Variants in TMEM235 observed in about 807,000 individuals in gnomAD.
TMEM235 encodes transmembrane protein 235.
In TMEM235, 23 loss-of-function variants were observed where a neutral mutation model predicts 22.9. The ratio of observed to expected loss-of-function variants is 1.00; its 90% confidence interval spans 0.72 to 1.42. The LOEUF (loss-of-function observed/expected upper bound fraction) is 1.42. TMEM235 is among the 40% of genes most tolerant of loss of function. The pLI, the probability that TMEM235 is intolerant of heterozygous loss-of-function variation, is 0.00. For synonymous variants in TMEM235, 137 were observed against 140.5 expected, an observed-to-expected ratio of 0.98 and a Z score of 0.17; for missense variants, 308 against 299.5, an observed-to-expected ratio of 1.03 and a Z score of -0.21.
chr17:78,234,585 T>A lies in TMEM235; in HGVS notation c.272-8T>A. 6.5e-7 allele frequency: 1 copy of A among 1,536,042 alleles called. No individual in the cohort carries two copies. Among genetic ancestry groups the A allele is most frequent in the Non-Finnish European group, 8.7e-7 (1 of 1,146,792 alleles). The stretch of plus-strand genomic sequence containing the variant: ...CCAGAATTCTCACCTGAGCCCCCTT[T>A]CCTGCAGTGCTGCACCGTGCAGTCA... On this transcript the variant is annotated splice_region_variant and splice_polypyrimidine_tract_variant and intron_variant, in intron 3 of 5. Coordinates refer to ENST00000421688, the Ensembl canonical transcript of TMEM235.
intron 2 of TMEM235, among the ~76,000 whole-genome samples, chr17:78,233,558 G>A (rs1255437148): frequency 3.9e-5 from 6 of 152,254 alleles, no homozygotes; most frequent in Admixed American, 1.3e-4. Context: ...AGCCGGGCAC[G>A]GTGGCGGGTG....
At position 78,237,126 on chromosome 17, in the gene TMEM235, C is replaced by T. The variant is rs536241886; in HGVS notation, c.410-1898C>T. On this transcript the variant is annotated intron_variant, in intron 4 of 5. Transcript: ENST00000421688. This position sits in a 1 kb window ranked among gnomAD's most constrained non-coding sequence, Gnocchi z 4.7. ...TGGTGGATGGGTGGGGGTTCCACTG[C>T]GACTCCAGCCTCCCCAGGCAGAGGG... Among the ~76,000 whole-genome samples the T allele has an allele frequency of 5.3e-5, 8 of 152,128 alleles. No homozygotes were observed. Among genetic ancestry groups the T allele is most frequent in the Non-Finnish European group, 8.8e-5 (6 of 68,004 alleles).
chr17:78,236,767 C>G (rs2076648818), intron 4 of TMEM235, among the ~76,000 whole-genome samples: 1 of 152,332 alleles, frequency 6.6e-6, no homozygotes, highest in Admixed American at 6.5e-5. Context: ...GGGGCACCCT[C>G]CCTGTTTCTC....
At position 78,239,007 on chromosome 17, in the gene TMEM235, C is replaced by T. The variant is rs1481881258; in HGVS notation, c.410-17C>T. The T allele has an allele frequency of 3.3e-6, 5 of 1,530,866 alleles. No individual in the cohort carries two copies. The highest frequency in any genetic ancestry group is 3.9e-5 in the Admixed American group (2 of 50,756). 94.8% of individuals were successfully genotyped at this position (1,530,866 alleles called of 1,614,324 possible). A position where few individuals can be genotyped will look rare whatever the true frequency, so the allele number is the denominator to read the frequency against. ...AGAGCAGACACCGAGCAGCTGCCCT[C>T]CCCATCTCTCCCCCAGGTGTCCTGA... On this transcript the variant is annotated splice_polypyrimidine_tract_variant and intron_variant, in intron 4 of 5. Coordinates refer to ENST00000421688, the Ensembl canonical transcript of TMEM235.
rs1252305416 is a variant in TMEM235, at chr17:78,237,998, TG to T, written c.410-1024del. Reference sequence around the variant, plus strand: ...TCAGCTTGGGTCAGTTGCCTTCTTTTGGCTGGGCAGTGCCCAGAGGGGACCC... The same window carrying T: ...TCAGCTTGGGTCAGTTGCCTTCTTTTGCTGGGCAGTGCCCAGAGGGGACCC... On this transcript the variant is annotated intron_variant, in intron 4 of 5. Transcript: ENST00000421688. This position sits in a 1 kb window ranked among gnomAD's most constrained non-coding sequence, Gnocchi z 4.7. Among the ~76,000 whole-genome samples, 1 of 152,202 alleles carries T rather than the reference TG, an allele frequency of 6.6e-6. No homozygotes were observed. Among genetic ancestry groups the T allele is most frequent in the Non-Finnish European group, 1.5e-5 (1 of 68,022 alleles).
intron 2 of TMEM235, 92 bp from the exon 2 acceptor site, chr17:78,233,803 C>A: frequency 8.9e-7 from 1 of 1,118,534 alleles, no homozygotes; most frequent in South Asian, 1.4e-5. Context: ...GCTGGCAGGG[C>A]CCTGTGGTGC....
At chr17:78,240,133 C>T in exon 6 of TMEM235, 2 of 1,234,360 alleles carry the variant, frequency 1.6e-6, no homozygotes, top group Non-Finnish European at 2.1e-6. Context: ...TCTGCAGCAA[C>T]CCGGGGGAGG....
rs957840267 is a variant in TMEM235, at chr17:78,239,300, C to T, written c.659+27C>T. 3.7e-5 allele frequency: 57 copies of T among 1,530,766 alleles called. No individual in the cohort carries two copies. In the Admixed American group the frequency reaches 1.1e-3, roughly 30 times the overall value. The allele number at this position is 1,530,766 out of a possible 1,614,324, so 94.8% of individuals were successfully genotyped here. A position where few individuals can be genotyped will look rare whatever the true frequency, so the allele number is the denominator to read the frequency against. Reference sequence around the variant, plus strand: ...TAAGAGGGGGCTGGGTTTCCCTTTGCACCTCCCGGGATTGGGCGGTCAGGG... The same window carrying T: ...TAAGAGGGGGCTGGGTTTCCCTTTGTACCTCCCGGGATTGGGCGGTCAGGG... On this transcript the variant is annotated intron_variant, in intron 5 of 5. Coordinates refer to ENST00000421688, the Ensembl canonical transcript of TMEM235.
At chr17:78,239,301 A>C in intron 5 of TMEM235, 28 bp downstream of exon 4, 2 of 1,528,374 alleles carry the variant, frequency 1.3e-6, no homozygotes, top group South Asian at 2.4e-5. Context: ...TTCCCTTTGC[A>C]CCTCCCGGGA....
chr17:78,235,959 C>T (rs1356528635), intron 4 of TMEM235, among the ~76,000 whole-genome samples: 5 of 152,226 alleles, frequency 3.3e-5, no homozygotes, highest in Non-Finnish European at 7.3e-5. Flanking sequence ...ATCCAGAGAA[C>T]AGCACCAAGG....
At chr17:78,234,421 A>G in intron 3 of TMEM235, 172 bp from the exon 3 acceptor site, 1 of 1,000,876 alleles carries the variant, frequency 1.0e-6, no homozygotes, top group Non-Finnish European at 1.5e-6. Context: ...TGGCCTTAGG[A>G]AGCCCCTGCC....
chr17:78,231,541 T>C, exon 2 of TMEM235: 1 of 1,304,016 alleles, frequency 7.7e-7, no homozygotes, highest in Non-Finnish European at 1.0e-6. Flanking sequence ...GCCAGGCTCC[T>C]ATGCTTCCAG....
intron 3 of TMEM235, 112 bp downstream of exon 2, chr17:78,234,087 C>A: frequency 2.0e-6 from 2 of 1,013,522 alleles, no homozygotes; most frequent in Non-Finnish European, 2.9e-6. Context: ...CCTGCGTTTC[C>A]AAGAGGACGT....
In TMEM235 at chr17:78,237,405, C is replaced by G. The variant is rs1368990295; in HGVS notation, c.410-1619C>G. On this transcript the variant is annotated intron_variant, in intron 4 of 5. Transcript: ENST00000421688. This position sits in a 1 kb window ranked among gnomAD's most constrained non-coding sequence, Gnocchi z 4.7. ...GTTTCCCAGCTTGAGGTTGCAGGTG[C>G]CAGCCGCAGAGGCCTCCTTTAGGAG... 1.3e-5 allele frequency among the ~76,000 whole-genome samples: 2 copies of G among 152,156 alleles called. No homozygotes were observed. The highest frequency in any genetic ancestry group is 4.8e-5 in the African/African-American group (2 of 41,444).
intron 2 of TMEM235, among the ~76,000 whole-genome samples, chr17:78,233,516 A>T (rs986972420): frequency 2.0e-5 from 3 of 152,084 alleles, no homozygotes; most frequent in Admixed American, 1.3e-4. Flanking sequence ...GACCACAGTG[A>T]AACCCCGTCT....
intron 5 of TMEM235, 109 bp from the exon 5 acceptor site, chr17:78,239,671 G>A (rs2076686853): frequency 6.8e-7 from 1 of 1,460,616 alleles, no homozygotes; most frequent in Non-Finnish European, 9.1e-7. Flanking sequence ...CATTCCTAAG[G>A]ACCTGGGAGA....
chr17:78,231,755 C>A, exon 2 of TMEM235: 1 of 1,228,592 alleles, frequency 8.1e-7, no homozygotes, highest in Non-Finnish European at 1.1e-6. Flanking sequence ...GGGATTGGAG[C>A]CCAAGCCCCA....
At position 78,239,128 on chromosome 17, in the gene TMEM235, G is replaced by A. The variant is rs1479646090; in HGVS notation, c.514G>A (p.Val172Ile). ...CCCGCAGCACATGCAGGGCGTCCGC[G>A]TCAGCTTCGGCTGGTCCATGGCCCT... is the stretch of plus-strand genomic sequence containing the variant. The change falls in exon 5 of 6, where the codon GTC becomes ATC. Residue 172 changes from valine (V) to isoleucine (I), a missense_variant. Physicochemically the swap from Val to Ile is conservative, Grantham distance 29. Coordinates refer to ENST00000421688, the Ensembl canonical transcript of TMEM235. 10 of 1,543,146 alleles carry A rather than the reference G, an allele frequency of 6.5e-6. No homozygotes were observed. Among genetic ancestry groups the A allele is most frequent in the East Asian group, 2.4e-5 (1 of 40,934 alleles).
In TMEM235 at chr17:78,237,686, C is replaced by T. The variant is rs1453032551; in HGVS notation, c.410-1338C>T. Among the ~76,000 whole-genome samples, 1 of 152,026 alleles carries T rather than the reference C, an allele frequency of 6.6e-6. No homozygotes were observed. The highest frequency in any genetic ancestry group is 2.4e-5 in the African/African-American group (1 of 41,394). On this transcript the variant is annotated intron_variant, in intron 4 of 5. Transcript: ENST00000421688. This position sits in a 1 kb window ranked among gnomAD's most constrained non-coding sequence, Gnocchi z 4.7. ...CAGGCACCTCCTGCCGCACGGTCAG[C>T]CCCCGCTGCTGGGGGCTGACCCCCA...
Sources: gnomAD v4.1 joint callset for allele counts (sites outside exome capture counted in the v4.1 genomes callset) on GRCh38, gnomAD v4.1.1 for gene constraint, Gnocchi (gnomAD v3.1) non-coding constraint, MANE v1.5 for transcripts, NCBI Gene and HGNC (gene_info 2026-07-23, HGNC 2026-07-21) for gene names.